DARS2: variants seen among roughly 807,000 people sequenced by gnomAD.
DARS2 encodes aspartyl-tRNA synthetase 2, mitochondrial, also known as aspartate--tRNA ligase, mitochondrial.
In DARS2, 63 loss-of-function variants were observed where a neutral mutation model predicts 83.0. The observed-to-expected ratio is 0.76, with a 90% CI of 0.62 to 0.94. The LOEUF (loss-of-function observed/expected upper bound fraction) is 0.94, where lower values mean the gene tolerates loss of function less well. DARS2 is among the 40% of genes least tolerant of loss of function. DARS2 has a pLI of 0.00. For missense variants in DARS2, 675 were observed against 774.4 expected, an observed-to-expected ratio of 0.87 and a Z score of 1.52; for synonymous variants, 250 against 269.3, an observed-to-expected ratio of 0.93 and a Z score of 0.70.
Position 173,858,278 on chromosome 1 carries a change from G to T in DARS2, c.*573G>T, listed in dbSNP as rs1653927035. 3 of 157,956 alleles carry T rather than the reference G, an allele frequency of 1.9e-5. No individual in the cohort carries two copies. The South Asian group carries it at 5.5e-4, about 29-fold the overall frequency. The allele number at this position is 157,956 out of a possible 1,614,324, so 9.8% of individuals were successfully genotyped here. A position where few individuals can be genotyped will look rare whatever the true frequency, so the allele number is the denominator to read the frequency against. On this transcript the variant is annotated 3_prime_UTR_variant, in exon 17 of 17. Transcript: ENST00000649689. Reference sequence around the variant, plus strand: ...TTCTTCAGTGTTTCAGCCTGAGTAAGTTACATAAACCTCGCTTAGCCTCCC... The same window carrying T: ...TTCTTCAGTGTTTCAGCCTGAGTAATTTACATAAACCTCGCTTAGCCTCCC...
chr1:173,853,148 GGTTGA>G (rs898038361), intron 13 of DARS2, among the ~76,000 whole-genome samples, 196 bp from the exon 14 acceptor site: 1 of 152,102 alleles, frequency 6.6e-6, no homozygotes, highest in African/African-American at 2.4e-5. Context: ...TCACCCAGTT[GGTTGA>G]GTGTGATGAT....
In DARS2 at chr1:173,857,538, C is replaced by T. The variant is rs1653899547; in HGVS notation, c.1771C>T (p.Leu591Phe). Residue 591 changes from leucine to phenylalanine, a missense_variant, in exon 17 of 17, where the codon CTT becomes TTT. Coordinates refer to ENST00000649689, the MANE Select transcript of DARS2 (RefSeq NM_018122.5). Reference sequence around the variant, plus strand: ...CACAGGGTTAGACAGACTGATATGCCTTGTCACTGGATCTCCAAGCATCAG... The same window carrying T: ...CACAGGGTTAGACAGACTGATATGCTTTGTCACTGGATCTCCAAGCATCAG... ...IALGLDRLIC[L>F]VTGSPSIRDV... 3 of 1,613,972 alleles carry T rather than the reference C, an allele frequency of 1.9e-6. No homozygotes were observed. In the African/African-American group the frequency reaches 4.0e-5, roughly 22 times the overall value.
intron 3 of DARS2, among the ~76,000 whole-genome samples, chr1:173,829,462 T>A (rs1311936811): frequency 1.3e-5 from 2 of 152,070 alleles, no homozygotes; most frequent in African/African-American, 4.8e-5. Flanking sequence ...CAGAGTGATA[T>A]TCTGAAAAAA....
Position 173,856,728 on chromosome 1 carries a change from A to C in DARS2, c.1737A>C (p.Gly579=). The change falls in exon 16 of 17, where the codon GGA becomes GGC. Residue 579 remains glycine, a synonymous_variant. Transcript: ENST00000649689. The stretch of plus-strand genomic sequence containing the variant: ...TAGATTATGGGGCACCCCCTCATGG[A>C]GGAATTGCCTTAGGTAAACAACTTT... The part of the protein sequence containing the change: ...QALDYGAPPH[G]GIALGLDRLI... 1 of 1,613,970 alleles carries C rather than the reference A, an allele frequency of 6.2e-7. No homozygotes were observed. Among genetic ancestry groups the C allele is most frequent in the Non-Finnish European group, 8.5e-7 (1 of 1,179,940 alleles).
intron 13 of DARS2, 83 bp downstream of exon 13, chr1:173,850,562 C>A: frequency 1.5e-6 from 2 of 1,343,436 alleles, no homozygotes; most frequent in Non-Finnish European, 1.0e-6. Context: ...TACGTTTGAA[C>A]TGTAGACTGT....
At chr1:173,849,502 A>T (rs539427081) in intron 12 of DARS2, among the ~76,000 whole-genome samples, 6 of 150,442 alleles carry the variant, frequency 4.0e-5, no homozygotes, top group South Asian at 4.2e-4. Context: ...ACTGCACTCC[A>T]GCATGGGTGA....
intron 7 of DARS2, among the ~76,000 whole-genome samples, chr1:173,835,439 C>T (rs1222683305): frequency 6.6e-6 from 1 of 150,492 alleles, no homozygotes; most frequent in Admixed American, 6.6e-5. Flanking sequence ...CGCGGTGGCT[C>T]ACACATGTAG....
At chr1:173,838,850 C>T (rs1653104526) in intron 9 of DARS2, among the ~76,000 whole-genome samples, 1 of 152,128 alleles carries the variant, frequency 6.6e-6, no homozygotes, top group African/African-American at 2.4e-5. Flanking sequence ...ATTCAGCTGC[C>T]TCAGCCTCCG....
intron 14 of DARS2, 113 bp from the exon 15 acceptor site, chr1:173,853,682 G>GTGGA (rs1172893985): frequency 4.6e-6 from 7 of 1,507,514 alleles, no homozygotes; most frequent in Non-Finnish European, 6.4e-6. Flanking sequence ...AGAAGAAATT[G>GTGGA]TGGAGTTTGA....
At chr1:173,850,854 C>T (rs1025871397) in intron 13 of DARS2, among the ~76,000 whole-genome samples, 3 of 151,918 alleles carry the variant, frequency 2.0e-5, no homozygotes, top group Non-Finnish European at 4.4e-5. Flanking sequence ...GTCCACCCGC[C>T]GCAGCCTCCT....
intron 11 of DARS2, among the ~76,000 whole-genome samples, chr1:173,841,758 C>A (rs1653220381): frequency 6.6e-6 from 1 of 152,086 alleles, no homozygotes; most frequent in African/African-American, 2.4e-5. Context: ...ATGATTGTGC[C>A]ACGGCATTCT....
intron 13 of DARS2, among the ~76,000 whole-genome samples, chr1:173,853,059 G>A (rs974481797): frequency 1.3e-5 from 2 of 152,148 alleles, no homozygotes; most frequent in East Asian, 1.9e-4. Context: ...AGAGAAGTTC[G>A]TAATTAGCCA....
chr1:173,852,924 A>G (rs1309445040), intron 13 of DARS2, among the ~76,000 whole-genome samples: 1 of 152,232 alleles, frequency 6.6e-6, no homozygotes, highest in Non-Finnish European at 1.5e-5. Context: ...AAGTGAGGAA[A>G]TAATCAGAAC....
In DARS2 at chr1:173,831,790, C is replaced by T. The variant is rs144548791; in HGVS notation, c.492+160C>T. Reference sequence around the variant, plus strand: ...TTCTCTTAGTTCTACAACTTCTTGGCACACTGTCCTGAAATAATGACAGTT... The same window carrying T: ...TTCTCTTAGTTCTACAACTTCTTGGTACACTGTCCTGAAATAATGACAGTT... On this transcript the variant is annotated intron_variant, in intron 5 of 16. Transcript: ENST00000649689. Among the ~76,000 whole-genome samples, 185 of 152,336 alleles carry T rather than the reference C, an allele frequency of 1.2e-3. 1 individual carries two copies. Among genetic ancestry groups the T allele is most frequent in the African/African-American group, 4.3e-3 (177 of 41,582 alleles).
intron 13 of DARS2, chr1:173,852,082 G>A (rs1653691020): frequency 1.0e-6 from 1 of 985,386 alleles, no homozygotes; most frequent in Non-Finnish European, 1.2e-6. Context: ...CCTTGAAAGA[G>A]AGCTAGAAAC....
chr1:173,853,281 C>G, intron 13 of DARS2, 68 bp from the exon 14 acceptor site: 2 of 1,503,762 alleles, frequency 1.3e-6, no homozygotes, highest in Non-Finnish European at 1.8e-6. Context: ...GCTTCGGAAT[C>G]CAGGCTGTGT....
At chr1:173,836,352 C>T (rs1653004383) in intron 7 of DARS2, among the ~76,000 whole-genome samples, 1 of 151,858 alleles carries the variant, frequency 6.6e-6, no homozygotes, top group Non-Finnish European at 1.5e-5. Flanking sequence ...CCAGCCTGGC[C>T]AACATGGCGA....
chr1:173,854,466 CTAAT>C (rs1347544313), intron 15 of DARS2, among the ~76,000 whole-genome samples: 2 of 152,150 alleles, frequency 1.3e-5, no homozygotes, highest in East Asian at 1.9e-4. Context: ...TATTTAAATA[CTAAT>C]TAATAGTGCA....
chr1:173,847,810 A>C, intron 12 of DARS2, among the ~76,000 whole-genome samples: 1 of 133,286 alleles, frequency 7.5e-6, no homozygotes, highest in African/African-American at 2.9e-5. Flanking sequence ...TCACCTAGTT[A>C]CTCTGTACCT....
Sources: gnomAD v4.1 joint callset for allele counts (sites outside exome capture counted in the v4.1 genomes callset) on GRCh38, gnomAD v4.1.1 for gene constraint, MANE v1.5 for transcripts, NCBI Gene and HGNC (gene_info 2026-07-23, HGNC 2026-07-21) for gene names.